Variants in SLC16A10 observed in about 807,000 individuals in gnomAD.
The protein encoded by SLC16A10 is solute carrier family 16 member 10.
In SLC16A10, 27 loss-of-function variants were observed where a neutral mutation model predicts 40.0. The ratio of observed to expected loss-of-function variants is 0.67; its 90% CI spans 0.50 to 0.93. The LOEUF (loss-of-function observed/expected upper bound fraction) is 0.93, where lower values mean the gene tolerates loss of function less well. Ranked by LOEUF, SLC16A10 falls within the 40% of genes least tolerant of loss-of-function variation. The pLI is 0.00. For synonymous variants in SLC16A10, 213 were observed against 249.8 expected (o/e 0.85, Z 1.39); for missense variants, 529 against 658.2 (o/e 0.80, Z 2.15).
chr6:111,121,734 A>G (rs12196955), intron 1 of SLC16A10, among the ~76,000 whole-genome samples: 18,799 of 152,240 alleles, frequency 0.12, 1,322 homozygotes, highest in Middle Eastern at 0.17. Flanking sequence ...AGCCAGGGCC[A>G]GATTCCTGGG....
chr6:111,203,670 T>G (rs2114580320), intron 3 of SLC16A10, among the ~76,000 whole-genome samples: 1 of 151,002 alleles, frequency 6.6e-6, no homozygotes, highest in African/African-American at 2.4e-5. Context: ...TGCAGTGAGC[T>G]GAGATCACAC....
At chr6:111,167,773 A>G (rs1772504859) in intron 1 of SLC16A10, among the ~76,000 whole-genome samples, 1 of 151,730 alleles carries the variant, frequency 6.6e-6, no homozygotes, top group African/African-American at 2.4e-5. Flanking sequence ...GGCTCCAGGG[A>G]GCCTCCTGCC....
chr6:111,156,774 ATAG>A (rs776382870), intron 1 of SLC16A10, among the ~76,000 whole-genome samples: 7 of 152,380 alleles, frequency 4.6e-5, no homozygotes, highest in Admixed American at 6.5e-5. Flanking sequence ...TAATGTATCA[ATAG>A]TAGTTCATTA....
At chr6:111,184,405 T>A (rs978794731) in intron 3 of SLC16A10, among the ~76,000 whole-genome samples, 2 of 152,114 alleles carry the variant, frequency 1.3e-5, no homozygotes, top group African/African-American at 4.8e-5. Flanking sequence ...TACCTGATGC[T>A]ATGGTTCAAG....
At chr6:111,152,040 A>T (rs1444139613) in intron 1 of SLC16A10, among the ~76,000 whole-genome samples, 1 of 152,200 alleles carries the variant, frequency 6.6e-6, no homozygotes, top group African/African-American at 2.4e-5. Context: ...AGTGCCCAGC[A>T]GAGCAGGACC....
chr6:111,213,744 C>T (rs1337037010), intron 4 of SLC16A10, among the ~76,000 whole-genome samples: 1 of 152,144 alleles, frequency 6.6e-6, no homozygotes, highest in Admixed American at 6.6e-5. Flanking sequence ...TGACAGACTC[C>T]CTGTGAAGCA....
At chr6:111,123,772 G>C (rs964606273) in intron 1 of SLC16A10, among the ~76,000 whole-genome samples, 1 of 152,216 alleles carries the variant, frequency 6.6e-6, no homozygotes, top group Non-Finnish European at 1.5e-5. Context: ...AGTAACTTCT[G>C]TGACCCTTGG....
intron 1 of SLC16A10, among the ~76,000 whole-genome samples, chr6:111,130,854 A>G (rs1771769180): frequency 6.6e-6 from 1 of 152,226 alleles, no homozygotes; most frequent in Non-Finnish European, 1.5e-5. Context: ...CTGATTTTGA[A>G]TCCTGGCTGA....
At chr6:111,167,715 C>T (rs184338687) in intron 1 of SLC16A10, among the ~76,000 whole-genome samples, 49 of 152,070 alleles carry the variant, frequency 3.2e-4, no homozygotes, top group Middle Eastern at 3.4e-3. Flanking sequence ...GTTGCCCAGG[C>T]GGGAGTGCAG....
intron 1 of SLC16A10, among the ~76,000 whole-genome samples, chr6:111,115,111 A>G (rs1329450759): frequency 6.6e-6 from 1 of 152,086 alleles, no homozygotes; most frequent in African/African-American, 2.4e-5. Flanking sequence ...TTTTTGGTGG[A>G]AGTGAGGACA....
chr6:111,110,630 A>C (rs1771368530), intron 1 of SLC16A10, among the ~76,000 whole-genome samples: 2 of 152,170 alleles, frequency 1.3e-5, no homozygotes, highest in Admixed American at 1.3e-4. Flanking sequence ...GTTGAGCAGC[A>C]GATTGGAAGA....
intron 3 of SLC16A10, 179 bp downstream of exon 3, chr6:111,177,844 G>C: frequency 1.8e-6 from 1 of 553,180 alleles, no homozygotes; most frequent in Non-Finnish European, 3.0e-6. Context: ...CCACTAAACA[G>C]AGAGAGTATG....
rs576081876 is a variant in SLC16A10 at position 111,124,306 on chromosome 6, TA to T, written c.343+36223del. ...AGAAATTAACTTTTATACTTATAGT[TA>T]AAAAAAAAAAACTTAAAGAACTTTT... On this transcript the variant is annotated intron_variant, in intron 1 of 5. Coordinates refer to ENST00000368851, the MANE Select transcript of SLC16A10 (RefSeq NM_018593.5). 3.8e-3 allele frequency among the ~76,000 whole-genome samples: 554 copies of T among 144,028 alleles called. 3 individuals carry two copies. Among genetic ancestry groups the T allele is most frequent in the African/African-American group, 0.011 (444 of 39,840 alleles). 94.5% of individuals were successfully genotyped at this position (144,028 alleles called of 152,430 possible).
rs1770893493 is a variant in SLC16A10 at position 111,087,779 on chromosome 6, C to G, written c.27C>G (p.Asp9Glu). The G allele has an allele frequency of 3.3e-6, 4 of 1,227,940 alleles. No individual in the cohort carries two copies. Among genetic ancestry groups the G allele is most frequent in the Middle Eastern group, 3.2e-4 (1 of 3,164 alleles). The allele number at this position is 1,227,940 out of a possible 1,614,324, so 76.1% of individuals were successfully genotyped here. A position where few individuals can be genotyped will look rare whatever the true frequency, so the allele number is the denominator to read the frequency against. Residue 9 changes from aspartate (D) to glutamate (E), a missense_variant, in exon 1 of 6, where the codon GAC (aspartate) becomes GAG (glutamate). Physicochemically the swap from Asp to Glu is conservative, Grantham distance 45 (BLOSUM62 2). Transcript: ENST00000368851. MVLSQEEP[D>E]SARGTSEAQP... ...TGGTGCTCTCCCAGGAGGAGCCGGA[C>G]TCCGCGCGGGGCACGAGCGAGGCGC...
At chr6:111,188,781 A>G (rs959642192) in intron 3 of SLC16A10, among the ~76,000 whole-genome samples, 12 of 152,222 alleles carry the variant, frequency 7.9e-5, no homozygotes, top group Non-Finnish European at 1.6e-4. Context: ...ATTAACTTCC[A>G]AAAAGGCTAT....
chr6:111,147,942 G>A (rs766405027), intron 1 of SLC16A10, among the ~76,000 whole-genome samples: 4 of 152,192 alleles, frequency 2.6e-5, no homozygotes, highest in Non-Finnish European at 4.4e-5. Context: ...CTCTGAAGGA[G>A]TGTTGCTGAT....
intron 1 of SLC16A10, among the ~76,000 whole-genome samples, chr6:111,157,359 C>T (rs1043665015): frequency 6.6e-6 from 1 of 152,058 alleles, no homozygotes; most frequent in Non-Finnish European, 1.5e-5. Context: ...TCTTGGCTCA[C>T]TGCTACCTCC....
At chr6:111,121,390 G>T (rs144283249) in intron 1 of SLC16A10, among the ~76,000 whole-genome samples, 3 of 152,282 alleles carry the variant, frequency 2.0e-5, no homozygotes, top group African/African-American at 7.2e-5. Flanking sequence ...AGGAAACCCT[G>T]TCTCTACAAA....
At chr6:111,207,369 G>C (rs1562433636) in intron 4 of SLC16A10, among the ~76,000 whole-genome samples, 1 of 152,214 alleles carries the variant, frequency 6.6e-6, no homozygotes, top group Non-Finnish European at 1.5e-5. Context: ...TTGTGTGTGT[G>C]ACTTTTCAGC....
Sources: gnomAD v4.1 joint callset for allele counts (sites outside exome capture counted in the v4.1 genomes callset) on GRCh38, gnomAD v4.1.1 for gene constraint, MANE v1.5 for transcripts, NCBI Gene and HGNC (gene_info 2026-07-23, HGNC 2026-07-21) for gene names.